The following FLG2 variants were observed in gnomAD, a reference collection of about 807,000 sequenced individuals.
FLG2 encodes the protein filaggrin-2.
Under a neutral mutation model 3.9 loss-of-function variants are expected in FLG2, and 7 were observed. That is an observed-to-expected ratio of 1.79 (90% CI 1.02 to 3.36). FLG2 has a LOEUF of 3.36. Among genes scored for constraint, FLG2 ranks in the 30% most tolerant of loss-of-function variants. FLG2 has a pLI of 0.00. For missense variants in FLG2, 2,700 were observed against 2,809.4 expected (o/e 0.96, Z 0.88); for synonymous variants, 1,031 against 1,056.1 (o/e 0.98, Z 0.46).
In FLG2 at chr1:152,357,459, T is replaced by C. The variant is rs1467291820; in HGVS notation, c.327A>G (p.Gln109=). Residue 109 remains glutamine, a synonymous_variant, in exon 3 of 3, where the codon CAA becomes CAG. Transcript: ENST00000388718. The part of the protein sequence containing the change: ...SKKHRRGHRH[Q]EEESETEEDE... ...CCTCTTCTGTTTCACTTTCTTCTTC[T>C]TGGTGTCGGTGACCACGCCTATGCT... is the stretch of plus-strand genomic sequence containing the variant. 6.2e-7 allele frequency: 1 copy of C among 1,614,210 alleles called. No homozygotes were observed. The highest frequency in any genetic ancestry group is 8.5e-7 in the Non-Finnish European group (1 of 1,180,044).
chr1:152,352,130 T>G lies in FLG2; in HGVS notation c.5656A>C (p.Ser1886Arg). The G allele has an allele frequency of 6.2e-7, 1 of 1,613,878 alleles. No homozygotes were observed. Among genetic ancestry groups the G allele is most frequent in the East Asian group, 2.2e-5 (1 of 44,844 alleles). The change falls in exon 3 of 3, where the codon AGT becomes CGT. Residue 1886 changes from serine (S) to arginine (R), a missense_variant. Coordinates refer to ENST00000388718, the MANE Select transcript of FLG2 (RefSeq NM_001014342.3). ...RRSGHSESSDSEVHSGGSHTH... is the reference protein window; with the variant it reads ...RRSGHSESSDREVHSGGSHTH... ...TGTGAGCCCCCTGAGTGCACTTCAC[T>G]GTCACTGGACTCACTGTGGCCAGAT...
Position 152,350,393 on chromosome 1 carries a change from T to TA in FLG2, c.*216dup. 2 of 621,034 alleles carry TA rather than the reference T, an allele frequency of 3.2e-6. No homozygotes were observed. Among genetic ancestry groups the TA allele is most frequent in the Non-Finnish European group, 5.5e-6 (2 of 365,874 alleles). The allele number at this position is 621,034 out of a possible 1,614,324, so 38.5% of individuals were successfully genotyped here. On this transcript the variant is annotated 3_prime_UTR_variant, in exon 3 of 3. Coordinates refer to ENST00000388718, the MANE Select transcript of FLG2 (RefSeq NM_001014342.3). ...GTACATCCCTCCCTTCTGGCTGTGT[T>TA]ATATCCAGGTTGAACATAGGTGTTG...
At position 152,350,643 on chromosome 1, in the gene FLG2, G is replaced by A. The variant is rs1391132315; in HGVS notation, c.7143C>T (p.Asp2381=). Reference sequence around the variant, plus strand: ...TAGACAGTTGCTTGTTTGCAGTGCTGTCTGTTGACCATGAAAGGTGAGAAT... The same window carrying A: ...TAGACAGTTGCTTGTTTGCAGTGCTATCTGTTGACCATGAAAGGTGAGAAT... ...ISNSHLSWST[D]STANKQLSRH is the part of the protein sequence containing the mutation. Residue 2381 remains aspartate (D), a synonymous_variant, in exon 3 of 3, where the codon GAC becomes GAT. Coordinates refer to ENST00000388718, the MANE Select transcript of FLG2 (RefSeq NM_001014342.3). The A allele has an allele frequency of 6.2e-7, 1 of 1,614,098 alleles. No individual in the cohort carries two copies. Among genetic ancestry groups the A allele is most frequent in the Non-Finnish European group, 8.5e-7 (1 of 1,179,982 alleles).
At position 152,358,916 on chromosome 1, in the gene FLG2, GA is replaced by G. The variant is rs750296592; in HGVS notation, c.-22-11del. The stretch of plus-strand genomic sequence containing the variant: ...GCAAGTTTAAGTGAACCTGGACACA[GA>G]AAAACAAAGAACCCTATTATTCATA... On this transcript the variant is annotated splice_polypyrimidine_tract_variant and intron_variant, in intron 1 of 2. Coordinates refer to ENST00000388718, the MANE Select transcript of FLG2 (RefSeq NM_001014342.3). 2.5e-6 allele frequency: 4 copies of G among 1,591,710 alleles called. No individual in the cohort carries two copies. The highest frequency in any genetic ancestry group is 3.4e-6 in the Non-Finnish European group (4 of 1,172,402).
chr1:152,357,533 A>T lies in FLG2; in HGVS notation c.253T>A (p.Cys85Ser). 1 of 1,614,014 alleles carries T rather than the reference A, an allele frequency of 6.2e-7. No homozygotes were observed. The highest frequency in any genetic ancestry group is 8.5e-7 in the Non-Finnish European group (1 of 1,180,006). Residue 85 changes from cysteine to serine, a missense_variant, in exon 3 of 3, where the codon TGC (cysteine) becomes AGC (serine). By Grantham distance (112) the Cys-to-Ser change is moderately radical. Coordinates refer to ENST00000388718, the MANE Select transcript of FLG2 (RefSeq NM_001014342.3). ...LLMIFKLTMA[C>S]NKVLSKEYCK... ...TATTCTTTGCTGAGGACCTTGTTGC[A>T]GGCCATAGTCAGCTTGAATATCATC...
chr1:152,354,200 T>C lies in FLG2; in HGVS notation c.3586A>G (p.Ile1196Val). 6.2e-7 allele frequency: 1 copy of C among 1,614,134 alleles called. No homozygotes were observed. Among genetic ancestry groups the C allele is most frequent in the Non-Finnish European group, 8.5e-7 (1 of 1,180,020 alleles). Residue 1196 changes from isoleucine to valine, a missense_variant, in exon 3 of 3, where the codon ATA becomes GTA. Transcript: ENST00000388718. ...CCAGTGGACTGACCTGAGTCAGATA[T>C]ATGTTGTCCAGAACTAGAGAAATTG... ...SDNFSSSGQH[I>V]SDSGQSTGFG...
In FLG2 at chr1:152,350,979, G is replaced by T; in HGVS notation, c.6807C>A (p.His2269Gln). Reference sequence around the variant, plus strand: ...GGCCCTGAATGTGTCCTGAATGTGTGTGTGAGCCCCATGAGTGCACTTCAC... The same window carrying T: ...GGCCCTGAATGTGTCCTGAATGTGTTTGTGAGCCCCATGAGTGCACTTCAC... Reference protein sequence around the residue: ...SDSEVHSWGSHTHSGHIQGQA... With the variant: ...SDSEVHSWGSQTHSGHIQGQA... Residue 2269 changes from histidine to glutamine, a missense_variant, in exon 3 of 3, where the codon CAC (histidine) becomes CAA (glutamine). Coordinates refer to ENST00000388718, the MANE Select transcript of FLG2 (RefSeq NM_001014342.3). 2 of 1,613,958 alleles carry T rather than the reference G, an allele frequency of 1.2e-6. No individual in the cohort carries two copies. Among genetic ancestry groups the T allele is most frequent in the Non-Finnish European group, 1.7e-6 (2 of 1,179,946 alleles).
At position 152,353,946 on chromosome 1, in the gene FLG2, C is replaced by T. The variant is rs765566141; in HGVS notation, c.3840G>A (p.Val1280=). The T allele has an allele frequency of 7.1e-5, 115 of 1,614,042 alleles. No individual in the cohort carries two copies. Among genetic ancestry groups the T allele is most frequent in the Non-Finnish European group, 9.2e-5 (108 of 1,180,032 alleles). The stretch of plus-strand genomic sequence containing the variant: ...AATGTCTGTGTGAGACCTTTGAGTG[C>T]ACTTCACTGTCACTGTTCTCACTTT... ...SSQSENSDSE[V]HSKVSHRHSE... Residue 1280 remains valine, a synonymous_variant, in exon 3 of 3, where the codon GTG becomes GTA. Transcript: ENST00000388718.
In FLG2 at chr1:152,355,321, T is replaced by G. The variant is rs774816289; in HGVS notation, c.2465A>C (p.Gln822Pro). The change falls in exon 3 of 3, where the codon CAA becomes CCA. Residue 822 changes from glutamine (Q) to proline (P), a missense_variant. Transcript: ENST00000388718. Reference protein sequence around the residue: ...SGSGQSAGFGQHGSGSGQSSG... With the variant: ...SGSGQSAGFGPHGSGSGQSSG... ...GGATTGTCCTGAGCCAGACCCATGT[T>G]GTCCAAAGCCAGCGGACTGACCTGA... 6.2e-7 allele frequency: 1 copy of G among 1,613,964 alleles called. No individual in the cohort carries two copies. Among genetic ancestry groups the G allele is most frequent in the Non-Finnish European group, 8.5e-7 (1 of 1,179,904 alleles).
chr1:152,353,655 A>C lies in FLG2; in HGVS notation c.4131T>G (p.His1377Gln), dbSNP rs776600538. Residue 1377 changes from histidine (H) to glutamine (Q), a missense_variant, in exon 3 of 3, where the codon CAT becomes CAG. By Grantham distance (24) the His-to-Gln change is conservative. Transcript: ENST00000388718. ...CATGAACTGTGGATTCTGACTCTCC[A>C]TGTTGAGATCCAGCTTGGCTGTGAG... ...EQTHSQAGSQ[H>Q]GESESTVHER... 1 of 1,613,084 alleles carries C rather than the reference A, an allele frequency of 6.2e-7. No homozygotes were observed. Among genetic ancestry groups the C allele is most frequent in the Non-Finnish European group, 8.5e-7 (1 of 1,179,794 alleles).
rs1043408850 is a variant in FLG2, at chr1:152,357,492, C to G, written c.294G>C (p.Gly98=). The stretch of plus-strand genomic sequence containing the variant: ...GGTGACCACGCCTATGCTTCTTTGA[C>G]CCTGAAGCTTTGCAGTATTCTTTGC... ...VLSKEYCKAS[G]SKKHRRGHRH... is the part of the protein sequence containing the mutation. The change falls in exon 3 of 3, where the codon GGG becomes GGC. Residue 98 remains glycine (G), a synonymous_variant. Coordinates refer to ENST00000388718, the MANE Select transcript of FLG2 (RefSeq NM_001014342.3). The G allele has an allele frequency of 2.5e-6, 4 of 1,613,992 alleles. No homozygotes were observed. The African/African-American group carries it at 5.3e-5, about 22-fold the overall frequency.
rs1417785120 is a variant in FLG2, at chr1:152,351,791, C to G, written c.5995G>C (p.Gly1999Arg). 6.2e-7 allele frequency: 1 copy of G among 1,612,584 alleles called. No homozygotes were observed. The highest frequency in any genetic ancestry group is 1.7e-5 in the Admixed American group (1 of 59,852). ...SVHERHGTTH[G>R]QTADTTRHGH... ...TGTCTAGTGGTATCTGCTGTTTGTC[C>G]ATGAGTAGTTCCGTGTCTCTCATGA... is the stretch of plus-strand genomic sequence containing the variant. The change falls in exon 3 of 3, where the codon GGA (glycine) becomes CGA (arginine). Residue 1999 changes from glycine to arginine, a missense_variant. Coordinates refer to ENST00000388718, the MANE Select transcript of FLG2 (RefSeq NM_001014342.3).
At position 152,353,329 on chromosome 1, in the gene FLG2, G is replaced by T; in HGVS notation, c.4457C>A (p.Ser1486Tyr). ...TRHAHYHHGK[S>Y]TQRGSSTTGR... Reference sequence around the variant, plus strand: ...AGTTGTACTGGACCCTCTCTGTGTGGATTTTCCATGATGATAGTGGGCATG... The same window carrying T: ...AGTTGTACTGGACCCTCTCTGTGTGTATTTTCCATGATGATAGTGGGCATG... The change falls in exon 3 of 3, where the codon TCC becomes TAC. Residue 1486 changes from serine to tyrosine, a missense_variant. Transcript: ENST00000388718. 6.2e-7 allele frequency: 1 copy of T among 1,612,794 alleles called. No homozygotes were observed. The highest frequency in any genetic ancestry group is 8.5e-7 in the Non-Finnish European group (1 of 1,179,778).
At chr1:152,358,725 A>T (rs1654341699) in intron 2 of FLG2, 22 bp downstream of exon 2, 1 of 1,607,994 alleles carries the variant, frequency 6.2e-7, no homozygotes, top group Admixed American at 1.7e-5. Context: ...AGCAGCCTTC[A>T]GTTCTGGCAC....
Position 152,354,918 on chromosome 1 carries a change from A to C in FLG2, c.2868T>G (p.Gly956=). ...FGFGQHRSGS[G]QSSGFGQHGS... The stretch of plus-strand genomic sequence containing the variant: ...CATGTTGGCCAAAGCCAGAGGATTG[A>C]CCTGAGCCTGACCTGTGTTGTCCAA... The change falls in exon 3 of 3, where the codon GGT becomes GGG. Residue 956 remains glycine (G), a synonymous_variant. Transcript: ENST00000388718. 6.2e-7 allele frequency: 1 copy of C among 1,609,674 alleles called. No homozygotes were observed. The highest frequency in any genetic ancestry group is 8.5e-7 in the Non-Finnish European group (1 of 1,178,846).
In FLG2 at chr1:152,357,446, C is replaced by G. The variant is rs771828709; in HGVS notation, c.340G>C (p.Glu114Gln). 6 of 1,614,152 alleles carry G rather than the reference C, an allele frequency of 3.7e-6. No individual in the cohort carries two copies. Among genetic ancestry groups the G allele is most frequent in the Non-Finnish European group, 5.1e-6 (6 of 1,180,036 alleles). ...GTATCCTCTTCATCCTCTTCTGTTT[C>G]ACTTTCTTCTTCTTGGTGTCGGTGA... is the stretch of plus-strand genomic sequence containing the variant. Reference protein sequence around the residue: ...RGHRHQEEESETEEDEEDTPG... With the variant: ...RGHRHQEEESQTEEDEEDTPG... The change falls in exon 3 of 3, where the codon GAA becomes CAA. Residue 114 changes from glutamate (E) to glutamine (Q), a missense_variant. Coordinates refer to ENST00000388718, the MANE Select transcript of FLG2 (RefSeq NM_001014342.3).
Position 152,357,048 on chromosome 1 carries a change from A to T in FLG2, c.738T>A (p.Thr246=). Residue 246 remains threonine, a synonymous_variant, in exon 3 of 3, where the codon ACT becomes ACA. Coordinates refer to ENST00000388718, the MANE Select transcript of FLG2 (RefSeq NM_001014342.3). ...GAGTAGAGTTTGATTCATGCCCACT[A>T]GTCTCCAATCCACATGACAGACCAC... ...GHGGLSCGLE[T]SGHESNSTQS... 1 of 1,614,142 alleles carries T rather than the reference A, an allele frequency of 6.2e-7. No homozygotes were observed. Among genetic ancestry groups the T allele is most frequent in the Non-Finnish European group, 8.5e-7 (1 of 1,180,010 alleles).
In FLG2 at chr1:152,353,546, A is replaced by G; in HGVS notation, c.4240T>C (p.Ser1414Pro). The change falls in exon 3 of 3, where the codon TCC (serine) becomes CCC (proline). Residue 1414 changes from serine (S) to proline (P), a missense_variant. Transcript: ENST00000388718. ...SGHGQSTQRG[S>P]RTTGRRGSGH... Reference sequence around the variant, plus strand: ...GATCCCCTTCTTCCAGTTGTCCTGGACCCTCTCTGTGTGGACTGTCCATGA... The same window carrying G: ...GATCCCCTTCTTCCAGTTGTCCTGGGCCCTCTCTGTGTGGACTGTCCATGA... The G allele has an allele frequency of 6.2e-7, 1 of 1,612,540 alleles. No individual in the cohort carries two copies. Among genetic ancestry groups the G allele is most frequent in the Non-Finnish European group, 8.5e-7 (1 of 1,179,824 alleles).
In FLG2 at chr1:152,350,912, C is replaced by T. The variant is rs1173504468; in HGVS notation, c.6874G>A (p.Gly2292Arg). 1 of 1,613,776 alleles carries T rather than the reference C, an allele frequency of 6.2e-7. No individual in the cohort carries two copies. The highest frequency in any genetic ancestry group is 1.3e-5 in the African/African-American group (1 of 74,868). ...QQRQPGSTVH[G>R]RLETTHGQTG... Reference sequence around the variant, plus strand: ...TGTCCATGAGTAGTTTCCAGTCTCCCATGAACTGTGGATCCTGGCTGTCTT... The same window carrying T: ...TGTCCATGAGTAGTTTCCAGTCTCCTATGAACTGTGGATCCTGGCTGTCTT... The change falls in exon 3 of 3, where the codon GGG becomes AGG. Residue 2292 changes from glycine to arginine, a missense_variant. Transcript: ENST00000388718.
Sources: gnomAD v4.1 joint callset for allele counts on GRCh38, gnomAD v4.1.1 for gene constraint, MANE v1.5 for transcripts, NCBI Gene and HGNC (gene_info 2026-07-23, HGNC 2026-07-21) for gene names.